Variants in PTPN14 observed in about 807,000 individuals in gnomAD.
The protein encoded by PTPN14 is protein tyrosine phosphatase non-receptor type 14, also known as tyrosine-protein phosphatase non-receptor type 14.
A neutral mutation model predicts 126.8 loss-of-function variants in PTPN14; 53 were observed. The observed-to-expected ratio is 0.42, with a 90% confidence interval of 0.34 to 0.53. The LOEUF (loss-of-function observed/expected upper bound fraction) is 0.53. PTPN14 is among the 20% of genes least tolerant of loss of function. The probability of loss-of-function intolerance (pLI) is 0.08; values close to 1 mark genes in which losing one functional copy is unlikely to be tolerated. For missense variants in PTPN14, 1,257 were observed against 1,552.9 expected (o/e 0.81, Z 3.20); for synonymous variants, 630 against 599.3 (o/e 1.05, Z -0.75).
At chr1:214,393,852 G>A (rs1037218994) in intron 9 of PTPN14, 75 bp from the exon 10 acceptor site, 37 of 1,210,124 alleles carry the variant, frequency 3.1e-5, no homozygotes, top group Non-Finnish European at 2.9e-5. Context: ...ATTCTTCTGA[G>A]GAGGGACACA....
At chr1:214,400,007 T>C (rs1571974959) in intron 7 of PTPN14, among the ~76,000 whole-genome samples, 1 of 149,286 alleles carries the variant, frequency 6.7e-6, no homozygotes, top group African/African-American at 2.5e-5. Flanking sequence ...GAGCAGGGGG[T>C]TCTTCTTCCT....
At chr1:214,538,437 T>C (rs1046753529) in intron 1 of PTPN14, among the ~76,000 whole-genome samples, 9 of 152,222 alleles carry the variant, frequency 5.9e-5, no homozygotes, top group Non-Finnish European at 8.8e-5. Flanking sequence ...GTTTAAAGGT[T>C]ATAGCAGAAA....
chr1:214,550,242 G>C (rs528663153), intron 1 of PTPN14, among the ~76,000 whole-genome samples: 1 of 152,204 alleles, frequency 6.6e-6, no homozygotes, highest in South Asian at 2.1e-4. Context: ...TTGGATGAAT[G>C]AGTAAACTAA....
At chr1:214,435,957 A>C (rs1466031966) in intron 3 of PTPN14, among the ~76,000 whole-genome samples, 1 of 152,222 alleles carries the variant, frequency 6.6e-6, no homozygotes, top group Non-Finnish European at 1.5e-5. Flanking sequence ...CGTTCACTGC[A>C]GCACCATTCA....
intron 2 of PTPN14, among the ~76,000 whole-genome samples, chr1:214,464,259 C>T (rs539320783): frequency 5.5e-5 from 8 of 146,698 alleles, no homozygotes; most frequent in Non-Finnish European, 1.0e-4. Flanking sequence ...CGTATGTGGG[C>T]GTTTTTTCTC....
chr1:214,428,388 T>C (rs1003609167), intron 3 of PTPN14, among the ~76,000 whole-genome samples: 1 of 152,236 alleles, frequency 6.6e-6, no homozygotes, highest in African/African-American at 2.4e-5. Context: ...GACTGTCTTC[T>C]AAAAATTATA....
chr1:214,360,974 G>GCT (rs1197588497), intron 18 of PTPN14, among the ~76,000 whole-genome samples: 2 of 151,722 alleles, frequency 1.3e-5, no homozygotes, highest in Admixed American at 6.6e-5. Flanking sequence ...TTCCCCCTTT[G>GCT]CTCTCTCTCT....
At chr1:214,464,534 G>A in intron 2 of PTPN14, 96 bp downstream of exon 2, 2 of 1,463,866 alleles carry the variant, frequency 1.4e-6, no homozygotes, top group Non-Finnish European at 1.8e-6. Context: ...CACAACAGAT[G>A]CCAAAAAACA....
rs751543558 is a variant in PTPN14 at position 214,384,064 on chromosome 1, C to T, written c.1791G>A (p.Leu597=). 6.3e-7 allele frequency: 1 copy of T among 1,578,338 alleles called. No homozygotes were observed. Among genetic ancestry groups the T allele is most frequent in the Admixed American group, 1.7e-5 (1 of 58,056 alleles). Residue 597 remains leucine (L), a synonymous_variant, in exon 13 of 19, where the codon CTG becomes CTA. Coordinates refer to ENST00000366956, the MANE Select transcript of PTPN14 (RefSeq NM_005401.5). This position sits in a 1 kb window ranked among gnomAD's most constrained non-coding sequence, Gnocchi z 5.3. ...CCGAGAGCTGCACCTTCCGGGTCAC[C>T]AGGTCCGGGCTGCTGCCGCTGACGT... ...HKYVSGSSPD[L]VTRKVQLSVK...
intron 5 of PTPN14, among the ~76,000 whole-genome samples, chr1:214,409,871 T>C (rs555828639): frequency 0.017 from 2,606 of 152,300 alleles, 83 homozygotes; most frequent in African/African-American, 0.059. Context: ...TGGTGTTTCA[T>C]CGTGGTTTCA....
Position 214,441,187 on chromosome 1 carries a change from C to A in PTPN14, c.344+10618G>T, listed in dbSNP as rs78226363. ...AAACAAACAGTTCTTTTTCAGGGTG[C>A]CCACTTTATAGAGTTCTAGTGAAGA... On this transcript the variant is annotated intron_variant, in intron 3 of 18. Transcript: ENST00000366956. Among the ~76,000 whole-genome samples the A allele has an allele frequency of 5.5e-4, 83 of 152,278 alleles. 1 individual carries two copies. In the East Asian group the frequency reaches 0.016, roughly 29 times the overall value.
chr1:214,378,124 T>C, intron 13 of PTPN14, 22 bp from the exon 14 acceptor site: 3 of 1,599,444 alleles, frequency 1.9e-6, no homozygotes, highest in Admixed American at 1.7e-5. Flanking sequence ...AAAAGGCATG[T>C]GCTCATTGTT....
At chr1:214,460,854 G>T (rs1192617621) in intron 2 of PTPN14, among the ~76,000 whole-genome samples, 2 of 152,148 alleles carry the variant, frequency 1.3e-5, no homozygotes, top group Non-Finnish European at 2.9e-5. Flanking sequence ...ACCAGGCCTG[G>T]ATCCTTCTGA....
intron 3 of PTPN14, among the ~76,000 whole-genome samples, chr1:214,417,391 T>C (rs1193705430): frequency 1.3e-5 from 2 of 152,178 alleles, no homozygotes; most frequent in Non-Finnish European, 2.9e-5. Context: ...ACCTAGTCTC[T>C]GGGGGCCTCA....
chr1:214,372,847 C>A lies in PTPN14; in HGVS notation c.2908-8G>T. ...TGCCCCGCCAACCACCACCTAAAAA[C>A]CAAGAAAAGTATCGGTAAATAAACC... On this transcript the variant is annotated splice_region_variant and splice_polypyrimidine_tract_variant and intron_variant, in intron 15 of 18. Coordinates refer to ENST00000366956, the MANE Select transcript of PTPN14 (RefSeq NM_005401.5). The A allele has an allele frequency of 6.2e-7, 1 of 1,613,834 alleles. No individual in the cohort carries two copies. The highest frequency in any genetic ancestry group is 2.2e-5 in the East Asian group (1 of 44,870).
At chr1:214,505,018 TGAA>T (rs2102435918) in intron 1 of PTPN14, among the ~76,000 whole-genome samples, 2 of 152,276 alleles carry the variant, frequency 1.3e-5, no homozygotes, top group African/African-American at 4.8e-5. Context: ...AAAAAGTAGA[TGAA>T]TTCTGTCTAA....
intron 3 of PTPN14, among the ~76,000 whole-genome samples, chr1:214,430,222 A>T (rs1659768621): frequency 6.6e-6 from 1 of 152,130 alleles, no homozygotes; most frequent in Non-Finnish European, 1.5e-5. Flanking sequence ...TCCATCAGTG[A>T]GCCCTTGATA....
chr1:214,457,992 C>CATCTATATCTATATCTAT (rs58773276), intron 2 of PTPN14, among the ~76,000 whole-genome samples: 4 of 150,082 alleles, frequency 2.7e-5, no homozygotes, highest in South Asian at 2.1e-4. Flanking sequence ...ATCACAGTTT[C>CATCTATATCTATATCTAT]ATCTATATCT....
intron 1 of PTPN14, among the ~76,000 whole-genome samples, chr1:214,470,933 G>A (rs764599318): frequency 6.6e-6 from 1 of 150,898 alleles, no homozygotes; most frequent in African/African-American, 2.4e-5. Flanking sequence ...GCTGACACAG[G>A]AGAATCACTT....
Sources: gnomAD v4.1 joint callset for allele counts (sites outside exome capture counted in the v4.1 genomes callset) on GRCh38, gnomAD v4.1.1 for gene constraint, Gnocchi (gnomAD v3.1) non-coding constraint, MANE v1.5 for transcripts, NCBI Gene and HGNC (gene_info 2026-07-23, HGNC 2026-07-21) for gene names.